PRIM1: variants seen among roughly 807,000 people sequenced by gnomAD.
PRIM1 encodes DNA primase subunit 1.
Under a neutral mutation model 60.2 loss-of-function variants are expected in PRIM1, and 38 were observed. The observed-to-expected ratio is 0.63, with a 90% CI of 0.49 to 0.83. The LOEUF is 0.83. PRIM1 is among the 40% of genes least tolerant of loss of function. The pLI, the probability that PRIM1 is intolerant of heterozygous loss-of-function variation, is 0.00. For missense variants in PRIM1, 388 were observed against 506.2 expected, an observed-to-expected ratio of 0.77 and a Z score of 2.24; for synonymous variants, 158 against 160.2, an observed-to-expected ratio of 0.99 and a Z score of 0.10.
intron 7 of PRIM1, among the ~76,000 whole-genome samples, chr12:56,742,656 G>C (rs912462199): frequency 6.6e-5 from 10 of 152,040 alleles, no homozygotes; most frequent in Non-Finnish European, 1.5e-4. Context: ...AAAATACAGT[G>C]ATGATATAAC....
rs367789118 is a variant in PRIM1 at position 56,739,302 on chromosome 12, C to T, written c.1044G>A (p.Pro348=). The T allele has an allele frequency of 1.8e-4, 289 of 1,566,654 alleles. No homozygotes were observed. Among genetic ancestry groups the T allele is most frequent in the Non-Finnish European group, 2.3e-4 (266 of 1,148,994 alleles). The part of the protein sequence containing the change: ...KVDQFDPFTV[P]TISFICRELD... ...AATGATCTGAAACATACCTTATGGT[C>T]GGAACAGTAAATGGATCAAACTGGT... Residue 348 remains proline, a synonymous_variant, in exon 10 of 13, where the codon CCG becomes CCA. Transcript: ENST00000338193.
chr12:56,746,626 TCA>T (rs71446569), intron 4 of PRIM1, 153 bp downstream of exon 4: 46,721 of 631,876 alleles, frequency 0.074, 682 homozygotes, highest in African/African-American at 0.14. Context: ...GTGAGACTCG[TCA>T]CACACACACA....
At chr12:56,743,981 G>C in intron 6 of PRIM1, 84 bp downstream of exon 6, 1 of 944,318 alleles carries the variant, frequency 1.1e-6, no homozygotes, top group African/African-American at 1.7e-5. Flanking sequence ...CTACCCAGCA[G>C]TGAAAATTGA....
At position 56,732,057 on chromosome 12, in the gene PRIM1, TA is replaced by T. The variant is rs1372277355; in HGVS notation, c.1244-324del. On this transcript the variant is annotated intron_variant, in intron 12 of 12. Coordinates refer to ENST00000338193, the MANE Select transcript of PRIM1 (RefSeq NM_000946.3). ...ACTACTGCTTAAACTATCACATATT[TA>T]AATAAAAAATGAAGTGGCAAGATAA... 3.9e-5 allele frequency among the ~76,000 whole-genome samples: 6 copies of T among 152,326 alleles called. No individual in the cohort carries two copies. In the East Asian group the frequency reaches 1.2e-3, roughly 29 times the overall value.
chr12:56,732,999 C>T (rs542539777), intron 12 of PRIM1, among the ~76,000 whole-genome samples: 6 of 151,240 alleles, frequency 4.0e-5, no homozygotes, highest in African/African-American at 9.7e-5. Context: ...GGATTACAGG[C>T]GCACAATACC....
At chr12:56,736,657 C>T (rs1953833550) in intron 11 of PRIM1, among the ~76,000 whole-genome samples, 1 of 151,990 alleles carries the variant, frequency 6.6e-6, no homozygotes. Context: ...GTGTGCACCA[C>T]CATGCCTGGC....
At chr12:56,747,900 A>G (rs1383472133) in intron 2 of PRIM1, among the ~76,000 whole-genome samples, 3 of 152,150 alleles carry the variant, frequency 2.0e-5, no homozygotes, top group Non-Finnish European at 4.4e-5. Context: ...AACCCCCAAA[A>G]GGCTCAGGGA....
intron 2 of PRIM1, among the ~76,000 whole-genome samples, chr12:56,747,889 G>T (rs1953919561): frequency 6.6e-6 from 1 of 152,046 alleles, no homozygotes; most frequent in Non-Finnish European, 1.5e-5. Flanking sequence ...TTATACCTCA[G>T]AACCCCCAAA....
At position 56,752,082 on chromosome 12, in the gene PRIM1, G is replaced by C. The variant is rs115093131; in HGVS notation, c.103+114C>G. ...GGGCGGGCTCGAGAGAGCAAATGAA[G>C]GCGCGCGGCACAAAGCCTGGTGCAC... On this transcript the variant is annotated intron_variant, in intron 1 of 12. Coordinates refer to ENST00000338193, the MANE Select transcript of PRIM1 (RefSeq NM_000946.3). The C allele has an allele frequency of 9.2e-6, 6 of 653,814 alleles. No homozygotes were observed. In the African/African-American group the frequency reaches 9.5e-5, roughly 10 times the overall value. 40.5% of individuals were successfully genotyped at this position (653,814 alleles called of 1,614,324 possible). A position where few individuals can be genotyped will look rare whatever the true frequency, so the allele number is the denominator to read the frequency against.
At chr12:56,746,669 C>T in intron 4 of PRIM1, 112 bp downstream of exon 4, 1 of 786,828 alleles carries the variant, frequency 1.3e-6, no homozygotes, top group Non-Finnish European at 2.0e-6. Context: ...CACACACACA[C>T]ACACACAAAT....
chr12:56,742,511 G>T (rs1335030930), intron 7 of PRIM1, among the ~76,000 whole-genome samples: 1 of 151,774 alleles, frequency 6.6e-6, no homozygotes, highest in Admixed American at 6.6e-5. Flanking sequence ...GGAGGTTGCA[G>T]TAAGCCAAGA....
chr12:56,736,023 T>G (rs1271850712), intron 11 of PRIM1, among the ~76,000 whole-genome samples: 1 of 150,990 alleles, frequency 6.6e-6, no homozygotes, highest in African/African-American at 2.4e-5. Context: ...ATAGGCAGGG[T>G]GCGGTGGCTC....
At chr12:56,740,968 C>G (rs942864941) in intron 9 of PRIM1, among the ~76,000 whole-genome samples, 1 of 152,008 alleles carries the variant, frequency 6.6e-6, no homozygotes, top group African/African-American at 2.4e-5. Flanking sequence ...CATGCACCAC[C>G]ACGTCTAGCT....
intron 9 of PRIM1, among the ~76,000 whole-genome samples, chr12:56,740,348 G>T (rs1025367659): frequency 6.7e-6 from 1 of 148,586 alleles, no homozygotes; most frequent in African/African-American, 2.5e-5. Flanking sequence ...ATTTACATTG[G>T]CTTGGTTTAT....
intron 11 of PRIM1, among the ~76,000 whole-genome samples, chr12:56,734,926 C>A (rs1189659631): frequency 6.6e-6 from 1 of 150,920 alleles, no homozygotes; most frequent in African/African-American, 2.4e-5. Context: ...ATTCTCCTAC[C>A]TCAGCCTCCC....
chr12:56,737,771 C>T (rs1341013279), intron 11 of PRIM1, among the ~76,000 whole-genome samples: 1 of 152,174 alleles, frequency 6.6e-6, no homozygotes, highest in Non-Finnish European at 1.5e-5. Flanking sequence ...GCCGCCCAGG[C>T]TGGAGTGCAG....
At chr12:56,748,593 C>T (rs1041474975) in intron 2 of PRIM1, among the ~76,000 whole-genome samples, 17 of 150,746 alleles carry the variant, frequency 1.1e-4, no homozygotes, top group African/African-American at 3.9e-4. Context: ...TGCCACTGCA[C>T]TCCAGCCTGG....
chr12:56,744,182 C>T, intron 5 of PRIM1, 59 bp from the exon 6 acceptor site: 4 of 1,282,546 alleles, frequency 3.1e-6, no homozygotes, highest in Non-Finnish European at 3.3e-6. Flanking sequence ...CAGTCATGTG[C>T]AGCATAACGA....
chr12:56,750,072 G>A (rs1364136579), intron 2 of PRIM1, among the ~76,000 whole-genome samples: 1 of 152,166 alleles, frequency 6.6e-6, no homozygotes, highest in Non-Finnish European at 1.5e-5. Context: ...TGGGTTTTAG[G>A]CAGTGGAAAC....
Sources: gnomAD v4.1 joint callset for allele counts (sites outside exome capture counted in the v4.1 genomes callset) on GRCh38, gnomAD v4.1.1 for gene constraint, MANE v1.5 for transcripts, NCBI Gene and HGNC (gene_info 2026-07-23, HGNC 2026-07-21) for gene names.